AEBP2: variants seen among roughly 807,000 people sequenced by gnomAD.
AEBP2 encodes zinc finger protein AEBP2.
Under a neutral mutation model 50.8 loss-of-function variants are expected in AEBP2, and 10 were observed. The observed-to-expected ratio is 0.20, with a 90% CI of 0.12 to 0.33. The LOEUF is 0.33. Among genes scored for constraint, AEBP2 ranks in the 10% least tolerant of loss-of-function variants. The pLI is 1.00. For missense variants in AEBP2, 570 were observed against 688.0 expected (o/e 0.83, Z 1.92); for synonymous variants, 296 against 261.3 (o/e 1.13, Z -1.28).
intron 4 of AEBP2, among the ~76,000 whole-genome samples, chr12:19,499,626 A>C (rs953091200): frequency 1.3e-5 from 2 of 152,104 alleles, no homozygotes; most frequent in East Asian, 1.9e-4. Flanking sequence ...AAAAAAAAAA[A>C]AAAAAACCTC....
intron 3 of AEBP2, among the ~76,000 whole-genome samples, chr12:19,478,948 A>G (rs997576951): frequency 1.3e-5 from 2 of 152,126 alleles, no homozygotes; most frequent in Non-Finnish European, 1.5e-5. Flanking sequence ...CTGGCCAGGC[A>G]TGGTAGGTCT....
chr12:19,448,482 C>T (rs1205964655), intron 1 of AEBP2, among the ~76,000 whole-genome samples: 1 of 148,064 alleles, frequency 6.8e-6, no homozygotes, highest in African/African-American at 2.5e-5. Context: ...AAGACTCCAT[C>T]TCAAAAAAAA....
At chr12:19,503,691 A>T (rs554779713) in intron 5 of AEBP2, among the ~76,000 whole-genome samples, 173 of 148,276 alleles carry the variant, frequency 1.2e-3, no homozygotes, top group Admixed American at 1.0e-2. Flanking sequence ...TTTTTTTTTT[A>T]AACATTTATT....
At chr12:19,482,043 T>G (rs374854740) in intron 3 of AEBP2, among the ~76,000 whole-genome samples, 7 of 152,208 alleles carry the variant, frequency 4.6e-5, no homozygotes, top group African/African-American at 1.7e-4. Flanking sequence ...ATTACCAGAA[T>G]TACTTTTCTG....
chr12:19,440,461 C>G (rs544883895), intron 1 of AEBP2, 91 bp downstream of exon 1: 2 of 1,415,624 alleles, frequency 1.4e-6, no homozygotes, highest in Non-Finnish European at 1.8e-6. Context: ...TGCCGCGATC[C>G]CCCTGCTCCC....
At chr12:19,503,850 A>G in intron 5 of AEBP2, among the ~76,000 whole-genome samples, 1 of 151,934 alleles carries the variant, frequency 6.6e-6, no homozygotes, top group South Asian at 2.1e-4. Context: ...TTCCCTTTCC[A>G]AGACAGGGTC....
At chr12:19,445,037 G>A (rs577877460) in intron 1 of AEBP2, among the ~76,000 whole-genome samples, 1 of 151,876 alleles carries the variant, frequency 6.6e-6, no homozygotes, top group South Asian at 2.1e-4. Flanking sequence ...TTTATTTAAC[G>A]TCTTACTACT....
Position 19,440,296 on chromosome 12 carries a change from C to G in AEBP2, c.597C>G (p.Thr199=), listed in dbSNP as rs1947927943. 1 of 1,464,830 alleles carries G rather than the reference C, an allele frequency of 6.8e-7. No individual in the cohort carries two copies. Among genetic ancestry groups the G allele is most frequent in the East Asian group, 2.5e-5 (1 of 39,218 alleles). The allele number at this position is 1,464,830 out of a possible 1,614,324, so 90.7% of individuals were successfully genotyped here. Residue 199 remains threonine (T), a synonymous_variant, in exon 1 of 8, where the codon ACC becomes ACG. Transcript: ENST00000266508. ...YGTGGGGSSA[T]SGGRRGSLEM... The stretch of plus-strand genomic sequence containing the variant: ...CTGGGGGAGGCGGAAGCAGCGCGAC[C>G]TCCGGGGGCCGGCGGGGCAGCTTGG...
chr12:19,479,716 G>GTTT (rs1565723172), intron 3 of AEBP2, among the ~76,000 whole-genome samples: 7 of 29,920 alleles, frequency 2.3e-4, no homozygotes, highest in South Asian at 8.8e-4. Context: ...CCTCTTTGTG[G>GTTT]GTTTTTTTTT....
At chr12:19,465,477 A>G (rs1948456944) in intron 2 of AEBP2, among the ~76,000 whole-genome samples, 1 of 152,188 alleles carries the variant, frequency 6.6e-6, no homozygotes, top group Non-Finnish European at 1.5e-5. Flanking sequence ...ATTATTTGCT[A>G]AACTATAAAT....
rs1243186854 is a variant in AEBP2 at position 19,440,658 on chromosome 12, GTC to G, written c.671+289_671+290del. 5 of 1,531,570 alleles carry G rather than the reference GTC, an allele frequency of 3.3e-6. No homozygotes were observed. The Admixed American group carries it at 9.8e-5, about 30-fold the overall frequency. 94.9% of individuals were successfully genotyped at this position (1,531,570 alleles called of 1,614,324 possible). A position where few individuals can be genotyped will look rare whatever the true frequency, so the allele number is the denominator to read the frequency against. The stretch of plus-strand genomic sequence containing the variant: ...TCAGGACGGCTCTAACTCGGAAACA[GTC>G]CCCAAACGGGCCCAGATCCTCTGGC... On this transcript the variant is annotated intron_variant, in intron 1 of 7. Coordinates refer to ENST00000266508, the MANE Select transcript of AEBP2 (RefSeq NM_153207.5).
upstream of AEBP2, among the ~76,000 whole-genome samples, chr12:19,438,297 T>C (rs1027536434): frequency 6.6e-6 from 1 of 152,242 alleles, no homozygotes; most frequent in Non-Finnish European, 1.5e-5. Flanking sequence ...TTGTTAGATC[T>C]TTATGCGATT....
chr12:19,449,811 C>G (rs1232258492), intron 1 of AEBP2, among the ~76,000 whole-genome samples: 2 of 152,118 alleles, frequency 1.3e-5, no homozygotes. Context: ...ATATATTTTA[C>G]TTGCCTTAAA....
intron 3 of AEBP2, among the ~76,000 whole-genome samples, chr12:19,492,897 G>T (rs1292583317): frequency 1.3e-5 from 2 of 152,038 alleles, no homozygotes. Context: ...GATCACTTGA[G>T]CCTGGGAGGT....
chr12:19,492,233 T>C (rs1306987825), intron 3 of AEBP2, among the ~76,000 whole-genome samples: 1 of 152,222 alleles, frequency 6.6e-6, no homozygotes, highest in Non-Finnish European at 1.5e-5. Context: ...TTTTCTGTTT[T>C]GTTTTGTTTT....
intron 2 of AEBP2, chr12:19,466,927 A>C: frequency 4.1e-6 from 2 of 486,992 alleles, no homozygotes; most frequent in Non-Finnish European, 5.3e-6. Flanking sequence ...CTGGGGAGAA[A>C]AGCAAAACCA....
Position 19,519,672 on chromosome 12 carries a change from A to C in AEBP2, c.*1555A>C, listed in dbSNP as rs577972546. 6.6e-6 allele frequency: 1 copy of C among 152,628 alleles called. No individual in the cohort carries two copies. Among genetic ancestry groups the C allele is most frequent in the Non-Finnish European group, 1.5e-5 (1 of 67,990 alleles). 9.5% of individuals were successfully genotyped at this position (152,628 alleles called of 1,614,324 possible). ...TTTACACTAAATTTTTTAAAGAAAT[A>C]TTAGACAAAAATATAGAATTAAAAC... On this transcript the variant is annotated 3_prime_UTR_variant, in exon 8 of 8. Coordinates refer to ENST00000266508, the MANE Select transcript of AEBP2 (RefSeq NM_153207.5).
At chr12:19,425,119 A>G (rs2095747857) in intron 1 of AEBP2, among the ~76,000 whole-genome samples, 1 of 152,202 alleles carries the variant, frequency 6.6e-6, no homozygotes, top group Admixed American at 6.5e-5. Context: ...GCAACTTTGC[A>G]CCACAAGTCA....
intron 1 of AEBP2, among the ~76,000 whole-genome samples, chr12:19,414,872 G>T (rs138640301): frequency 6.6e-6 from 1 of 151,224 alleles, no homozygotes; most frequent in African/African-American, 2.4e-5. Context: ...TTAGTGAGCC[G>T]AGATTGTGCC....
Sources: gnomAD v4.1 joint callset for allele counts (sites outside exome capture counted in the v4.1 genomes callset) on GRCh38, gnomAD v4.1.1 for gene constraint, MANE v1.5 for transcripts, NCBI Gene and HGNC (gene_info 2026-07-23, HGNC 2026-07-21) for gene names.